DEUP1: variants seen among roughly 807,000 people sequenced by gnomAD.
The protein encoded by DEUP1 is coiled-coil domain containing 67.
In DEUP1, 82 loss-of-function variants were observed where a neutral mutation model predicts 87.4. The observed-to-expected ratio is 0.94, with a 90% CI of 0.78 to 1.13. The LOEUF (loss-of-function observed/expected upper bound fraction) is 1.13, where lower values mean the gene tolerates loss of function less well. Ranked by LOEUF, DEUP1 falls within the 50% of genes most tolerant of loss-of-function variation. The pLI is 0.00. For missense variants in DEUP1, 663 were observed against 681.5 expected (o/e 0.97, Z 0.30); for synonymous variants, 214 against 222.7 (o/e 0.96, Z 0.35).
intron 7 of DEUP1, among the ~76,000 whole-genome samples, chr11:93,376,395 A>G (rs1394226434): frequency 6.6e-6 from 1 of 152,018 alleles, no homozygotes; most frequent in Non-Finnish European, 1.5e-5. Flanking sequence ...TAAGTTTTCT[A>G]CTTTGTGCTT....
At position 93,435,995 on chromosome 11, in the gene DEUP1, CAAA is replaced by C. The variant is rs34570659; in HGVS notation, c.1639-1532_1639-1530del. Among the ~76,000 whole-genome samples, 371 of 126,520 alleles carry C rather than the reference CAAA, an allele frequency of 2.9e-3. 2 individuals are homozygous for C. Among genetic ancestry groups the C allele is most frequent in the African/African-American group, 0.01 (336 of 32,844 alleles). The allele number at this position is 126,520 out of a possible 152,430, so 83.0% of individuals were successfully genotyped here. On this transcript the variant is annotated intron_variant, in intron 13 of 13. Transcript: ENST00000298050. ...TGGGCGACAGAGTGAGACTCCGTCT[CAAA>C]AAAAAAAAAAAAAAATTTTTTCTGT...
intron 13 of DEUP1, among the ~76,000 whole-genome samples, chr11:93,419,177 TATAATA>T (rs78611880): frequency 7.9e-6 from 1 of 126,558 alleles, no homozygotes; most frequent in African/African-American, 3.4e-5. Flanking sequence ...AAACTTAAAG[TATAATA>T]ATAAAAAAAA....
chr11:93,401,030 T>A (rs2134389969), intron 11 of DEUP1, among the ~76,000 whole-genome samples: 1 of 152,268 alleles, frequency 6.6e-6, no homozygotes, highest in East Asian at 1.9e-4. Context: ...GACGATATGA[T>A]CTTATGCTTA....
chr11:93,398,358 G>A lies in DEUP1; in HGVS notation c.1326+2033G>A, dbSNP rs771866004. Among the ~76,000 whole-genome samples the A allele has an allele frequency of 5.9e-5, 9 of 151,998 alleles. No homozygotes were observed. In the South Asian group the frequency reaches 1.0e-3, roughly 18 times the overall value. On this transcript the variant is annotated intron_variant, in intron 11 of 13. Transcript: ENST00000298050. The stretch of plus-strand genomic sequence containing the variant: ...CCACTCTGTTTCCAGAGTTTTGCCC[G>A]AATGAACAGTACTGTAAGAAAAATC...
chr11:93,396,202 A>T, intron 10 of DEUP1, 37 bp from the exon 11 acceptor site: 1 of 1,274,942 alleles, frequency 7.8e-7, no homozygotes, highest in African/African-American at 1.5e-5. Flanking sequence ...AGTTTTTATT[A>T]TGAATTTTAC....
chr11:93,335,799 A>G (rs1417069236), intron 2 of DEUP1, among the ~76,000 whole-genome samples: 2 of 152,156 alleles, frequency 1.3e-5, no homozygotes, highest in Admixed American at 1.3e-4. Context: ...TTTTCTCCAC[A>G]TATAAATAGC....
chr11:93,374,751 G>T (rs182732704), intron 7 of DEUP1, among the ~76,000 whole-genome samples: 1 of 152,152 alleles, frequency 6.6e-6, no homozygotes, highest in Admixed American at 6.5e-5. Context: ...TCATGCTTTA[G>T]CTATGCAGGC....
At chr11:93,392,674 A>G (rs1591212778) in intron 9 of DEUP1, among the ~76,000 whole-genome samples, 2 of 140,898 alleles carry the variant, frequency 1.4e-5, no homozygotes, top group Admixed American at 1.4e-4. Flanking sequence ...CTACATTTAA[A>G]AAAAAGAGAG....
At chr11:93,347,161 G>T (rs1449075193) in intron 2 of DEUP1, among the ~76,000 whole-genome samples, 1 of 151,872 alleles carries the variant, frequency 6.6e-6, no homozygotes, top group African/African-American at 2.4e-5. Flanking sequence ...CGCATTCAGT[G>T]TGATGTTGGC....
chr11:93,373,621 A>ATG (rs1201327465), intron 7 of DEUP1, among the ~76,000 whole-genome samples: 1 of 32,846 alleles, frequency 3.0e-5, no homozygotes, highest in Non-Finnish European at 9.7e-5. Flanking sequence ...ATGTATATAT[A>ATG]TACGTATATA....
chr11:93,431,970 C>G (rs1311883773), intron 13 of DEUP1, among the ~76,000 whole-genome samples: 1 of 152,090 alleles, frequency 6.6e-6, no homozygotes, highest in African/African-American at 2.4e-5. Flanking sequence ...GACACCCAAA[C>G]GTAGACATTA....
At chr11:93,381,473 A>G (rs574245361) in intron 7 of DEUP1, among the ~76,000 whole-genome samples, 3 of 152,278 alleles carry the variant, frequency 2.0e-5, no homozygotes, top group African/African-American at 7.2e-5. Flanking sequence ...TAGCAGATGC[A>G]TCTCAATTTT....
chr11:93,351,587 G>T (rs975156351), intron 2 of DEUP1, among the ~76,000 whole-genome samples: 2 of 152,178 alleles, frequency 1.3e-5, no homozygotes, highest in South Asian at 2.1e-4. Context: ...CCAGGCCATA[G>T]TTCTATTCTT....
chr11:93,406,853 CAA>C (rs1247826177), intron 11 of DEUP1, among the ~76,000 whole-genome samples: 2 of 151,890 alleles, frequency 1.3e-5, no homozygotes, highest in East Asian at 3.9e-4. Flanking sequence ...GTTAAGGACA[CAA>C]ATAGACAATT....
intron 7 of DEUP1, among the ~76,000 whole-genome samples, chr11:93,381,997 A>G (rs11020294): frequency 0.015 from 2,248 of 152,282 alleles, 20 homozygotes; most frequent in East Asian, 0.059. Flanking sequence ...ATTCATCTGA[A>G]GTACCTGATC....
At chr11:93,412,283 G>T (rs1019416306) in intron 12 of DEUP1, among the ~76,000 whole-genome samples, 3 of 152,322 alleles carry the variant, frequency 2.0e-5, no homozygotes, top group Non-Finnish European at 2.9e-5. Context: ...GTGAAATCAC[G>T]CAGCAGCCTT....
chr11:93,351,004 T>A lies in DEUP1; in HGVS notation c.30-4367T>A, dbSNP rs542725148. 3.4e-5 allele frequency among the ~76,000 whole-genome samples: 5 copies of A among 148,116 alleles called. No individual in the cohort carries two copies. The South Asian group carries it at 8.4e-4, about 25-fold the overall frequency. On this transcript the variant is annotated intron_variant, in intron 2 of 13. Coordinates refer to ENST00000298050, the MANE Select transcript of DEUP1 (RefSeq NM_181645.4). ...TATATTTTTATATGAAAATTTATTT[T>A]CATATAAAAATGTATTTTAATAAAC... is the stretch of plus-strand genomic sequence containing the variant.
chr11:93,413,772 A>G (rs539544305), intron 12 of DEUP1, among the ~76,000 whole-genome samples: 2 of 152,352 alleles, frequency 1.3e-5, no homozygotes, highest in East Asian at 1.9e-4. Context: ...TCCATGCTGT[A>G]TGACTTTCAC....
intron 2 of DEUP1, among the ~76,000 whole-genome samples, chr11:93,336,767 C>T (rs914149078): frequency 6.6e-6 from 1 of 152,132 alleles, no homozygotes; most frequent in African/African-American, 2.4e-5. Context: ...CCTTCTTAGC[C>T]ATTCCTCCTG....
Sources: gnomAD v4.1 joint callset for allele counts (sites outside exome capture counted in the v4.1 genomes callset) on GRCh38, gnomAD v4.1.1 for gene constraint, MANE v1.5 for transcripts, NCBI Gene and HGNC (gene_info 2026-07-23, HGNC 2026-07-21) for gene names.